STX3: variants seen among roughly 807,000 people sequenced by gnomAD.
STX3 encodes the protein syntaxin 3.
In STX3, 19 loss-of-function variants were observed where a neutral mutation model predicts 40.2. The ratio of observed to expected loss-of-function variants is 0.47; its 90% confidence interval spans 0.33 to 0.69. The LOEUF (loss-of-function observed/expected upper bound fraction) is 0.69. Ranked by LOEUF, STX3 falls within the 30% of genes least tolerant of loss-of-function variation. The pLI, the probability that STX3 is intolerant of heterozygous loss-of-function variation, is 0.02. For missense variants in STX3, 364 were observed against 366.7 expected, an observed-to-expected ratio of 0.99 and a Z score of 0.06; for synonymous variants, 122 against 132.2, an observed-to-expected ratio of 0.92 and a Z score of 0.53.
At chr11:59,790,440 G>C (rs954109349) in intron 4 of STX3, 79 bp from the exon 5 acceptor site, 3 of 1,118,432 alleles carry the variant, frequency 2.7e-6, no homozygotes, top group Non-Finnish European at 4.1e-6. Flanking sequence ...GTGTGGGAAT[G>C]AGTGAGGAAG....
chr11:59,802,161 C>G lies in STX3; in HGVS notation c.*1337C>G. The G allele has an allele frequency of 1.0e-6, 1 of 985,440 alleles. No individual in the cohort carries two copies. Among genetic ancestry groups the G allele is most frequent in the Non-Finnish European group, 1.2e-6 (1 of 829,950 alleles). 61.0% of individuals were successfully genotyped at this position (985,440 alleles called of 1,614,324 possible). A position where few individuals can be genotyped will look rare whatever the true frequency, so the allele number is the denominator to read the frequency against. Reference sequence around the variant, plus strand: ...TGAGTCAGTTGGGGAACACCAGAGGCTACACAGTAGCTCTTCCTGCTACTC... The same window carrying G: ...TGAGTCAGTTGGGGAACACCAGAGGGTACACAGTAGCTCTTCCTGCTACTC... On this transcript the variant is annotated 3_prime_UTR_variant, in exon 11 of 11. Transcript: ENST00000337979.
chr11:59,796,031 C>A (rs780186772), intron 9 of STX3, among the ~76,000 whole-genome samples: 1 of 152,242 alleles, frequency 6.6e-6, no homozygotes, highest in Non-Finnish European at 1.5e-5. Flanking sequence ...ACACTTGACT[C>A]CTCTGTTCAG....
chr11:59,770,817 A>G (rs1048968175), intron 1 of STX3, among the ~76,000 whole-genome samples: 7 of 152,182 alleles, frequency 4.6e-5, no homozygotes, highest in Non-Finnish European at 1.0e-4. Context: ...GTCTGGCTAA[A>G]TGAACTTAAA....
chr11:59,763,941 C>T (rs1863159630), intron 1 of STX3, among the ~76,000 whole-genome samples: 1 of 151,874 alleles, frequency 6.6e-6, no homozygotes, highest in Non-Finnish European at 1.5e-5. Context: ...TCACTTGAAC[C>T]CGGGAGGTGG....
At chr11:59,784,697 G>T (rs896009328) in intron 2 of STX3, among the ~76,000 whole-genome samples, 5 of 152,170 alleles carry the variant, frequency 3.3e-5, no homozygotes, top group African/African-American at 1.2e-4. Context: ...AAAACCATCA[G>T]ATCTTGTGAG....
intron 10 of STX3, chr11:59,800,283 A>G (rs1865804126): frequency 2.0e-6 from 2 of 985,252 alleles, no homozygotes; most frequent in Admixed American, 6.2e-5. Flanking sequence ...CAGTGTGTTT[A>G]TATTTCCTAG....
At chr11:59,786,721 T>G (rs1442572758) in intron 2 of STX3, among the ~76,000 whole-genome samples, 1 of 152,166 alleles carries the variant, frequency 6.6e-6, no homozygotes, top group African/African-American at 2.4e-5. Context: ...GGTCTGCTGA[T>G]TCTCCCCCTC....
At chr11:59,761,931 G>A (rs929226815) in intron 1 of STX3, among the ~76,000 whole-genome samples, 1 of 151,932 alleles carries the variant, frequency 6.6e-6, no homozygotes, top group Admixed American at 6.6e-5. Flanking sequence ...CCCTCACTTG[G>A]TCTCATTTTA....
At chr11:59,791,001 C>T (rs1439008377) in intron 5 of STX3, among the ~76,000 whole-genome samples, 1 of 150,718 alleles carries the variant, frequency 6.6e-6, no homozygotes, top group Non-Finnish European at 1.5e-5. Context: ...AAAGCTATTA[C>T]CTAAGACCCA....
At chr11:59,797,916 G>T (rs1032508892) in intron 10 of STX3, among the ~76,000 whole-genome samples, 2 of 152,224 alleles carry the variant, frequency 1.3e-5, no homozygotes, top group Non-Finnish European at 2.9e-5. Flanking sequence ...TGTTGTACCA[G>T]ACAATGTACT....
At chr11:59,793,308 G>T (rs11823551) in intron 7 of STX3, 72 bp from the exon 8 acceptor site, 2 of 1,602,856 alleles carry the variant, frequency 1.2e-6, no homozygotes, top group Non-Finnish European at 1.7e-6. Flanking sequence ...CCCCAGGAGC[G>T]TGCATGAGGG....
intron 10 of STX3, chr11:59,799,582 G>A (rs1210899056): frequency 3.7e-5 from 32 of 875,812 alleles, no homozygotes; most frequent in Non-Finnish European, 4.0e-5. Flanking sequence ...ATAAGTTGGA[G>A]TACTGAAATA....
chr11:59,755,314 C>T, upstream of STX3: 1 of 264,878 alleles, frequency 3.8e-6, no homozygotes, highest in Non-Finnish European at 7.0e-6. Context: ...GAGCGAGGGG[C>T]GCGGCCAGGT....
rs904186955 is a variant in STX3, at chr11:59,801,611, G to T, written c.*787G>T. On this transcript the variant is annotated 3_prime_UTR_variant, in exon 11 of 11. Transcript: ENST00000337979. ...GCTCATTGTTAGAAAGTGATGCTTTGTGAGACTATTGTCTTGGGGCCAAAA... is the reference window on the plus strand; with the variant it reads ...GCTCATTGTTAGAAAGTGATGCTTTTTGAGACTATTGTCTTGGGGCCAAAA... 5.1e-6 allele frequency: 5 copies of T among 985,526 alleles called. No individual in the cohort carries two copies. Among genetic ancestry groups the T allele is most frequent in the East Asian group, 2.3e-4 (2 of 8,820 alleles). 61.0% of individuals were successfully genotyped at this position (985,526 alleles called of 1,614,324 possible).
intron 4 of STX3, 159 bp downstream of exon 4, chr11:59,789,106 T>C: frequency 1.7e-6 from 1 of 589,686 alleles, no homozygotes; most frequent in Non-Finnish European, 2.9e-6. Context: ...TGATCCATTG[T>C]AGCCCCAGAA....
Position 59,801,431 on chromosome 11 carries a change from G to T in STX3, c.*607G>T. The T allele has an allele frequency of 1.0e-6, 1 of 986,708 alleles. No individual in the cohort carries two copies. Among genetic ancestry groups the T allele is most frequent in the Middle Eastern group, 5.2e-4 (1 of 1,916 alleles). The allele number at this position is 986,708 out of a possible 1,614,324, so 61.1% of individuals were successfully genotyped here. On this transcript the variant is annotated 3_prime_UTR_variant, in exon 11 of 11. Transcript: ENST00000337979. ...TCAGCCTTAAATTAAGCTCTTAGTTGTTCAGCTTGGGGGGCAACTTTGATT... is the reference window on the plus strand; with the variant it reads ...TCAGCCTTAAATTAAGCTCTTAGTTTTTCAGCTTGGGGGGCAACTTTGATT...
chr11:59,760,715 G>A (rs1185556758), intron 1 of STX3, among the ~76,000 whole-genome samples: 2 of 152,180 alleles, frequency 1.3e-5, no homozygotes, highest in Non-Finnish European at 2.9e-5. Flanking sequence ...GCAAGGAATT[G>A]AGATATTATT....
intron 1 of STX3, among the ~76,000 whole-genome samples, chr11:59,767,124 C>T (rs917888743): frequency 2.0e-5 from 3 of 152,138 alleles, no homozygotes; most frequent in Non-Finnish European, 2.9e-5. Flanking sequence ...TGAACTCTTT[C>T]TACTTTCTGT....
At chr11:59,787,525 TTTTC>T (rs1322266310) in intron 3 of STX3, among the ~76,000 whole-genome samples, 11 of 152,178 alleles carry the variant, frequency 7.2e-5, no homozygotes, top group African/African-American at 2.2e-4. Flanking sequence ...CAAGTCCATT[TTTTC>T]TTTCCATGAG....
Sources: allele counts gnomAD v4.1 joint callset (sites outside exome capture counted in the v4.1 genomes callset), GRCh38; gene constraint gnomAD v4.1.1; transcripts MANE v1.5; gene names NCBI Gene and HGNC (gene_info 2026-07-23, HGNC 2026-07-21).